The following COL8A1 variants were observed in gnomAD, a reference collection of about 807,000 sequenced individuals.
COL8A1 encodes collagen alpha-1(VIII) chain.
In COL8A1, 21 loss-of-function variants were observed where a neutral mutation model predicts 42.7. The ratio of observed to expected loss-of-function variants is 0.49; its 90% confidence interval spans 0.35 to 0.71. COL8A1 has a LOEUF of 0.71. Ranked by LOEUF, COL8A1 falls within the 30% of genes least tolerant of loss-of-function variation. COL8A1 has a pLI of 0.01. For synonymous variants in COL8A1, 367 were observed against 369.1 expected, an observed-to-expected ratio of 0.99 and a Z score of 0.06; for missense variants, 788 against 962.4, an observed-to-expected ratio of 0.82 and a Z score of 2.40.
intron 1 of COL8A1, among the ~76,000 whole-genome samples, chr3:99,716,101 A>G (rs1178259937): frequency 3.3e-5 from 5 of 152,060 alleles, no homozygotes; most frequent in South Asian, 2.1e-4. Context: ...TTTGAGTCCA[A>G]ATTAAAACTT....
chr3:99,759,419 T>C (rs1037644585), intron 2 of COL8A1, among the ~76,000 whole-genome samples: 3 of 152,162 alleles, frequency 2.0e-5, no homozygotes, highest in African/African-American at 4.8e-5. Context: ...AGAAATATCC[T>C]CGAAATGATT....
Position 99,795,480 on chromosome 3 carries a change from C to T in COL8A1, c.1579C>T (p.Pro527Ser), listed in dbSNP as rs1243037670. The T allele has an allele frequency of 6.5e-7, 1 of 1,548,508 alleles. No homozygotes were observed. Among genetic ancestry groups the T allele is most frequent in the South Asian group, 1.2e-5 (1 of 85,322 alleles). Residue 527 changes from proline (P) to serine (S), a missense_variant, in exon 4 of 4, where the codon CCT (proline) becomes TCT (serine). Physicochemically the swap from Pro to Ser is moderately conservative, Grantham distance 74. Around this residue, in one of 4 missense-constraint regions of COL8A1, gnomAD observed 154 missense variants for 182.3 expected, o/e 0.84. Transcript: ENST00000652472. ...PKGEPGLPGP[P>S]GFPGIGKPGV... ...AGGGGAGCCGGGCCTCCCAGGGCCC[C>T]CTGGGTTCCCTGGTATAGGGAAACC...
intron 1 of COL8A1, among the ~76,000 whole-genome samples, chr3:99,732,164 T>A (rs114533873): frequency 5.7e-4 from 87 of 152,294 alleles, no homozygotes; most frequent in African/African-American, 1.9e-3. Context: ...AAACGATTAA[T>A]GCATTCTTAT....
chr3:99,755,340 A>G (rs1391350462), intron 2 of COL8A1, among the ~76,000 whole-genome samples: 3 of 152,202 alleles, frequency 2.0e-5, no homozygotes, highest in Admixed American at 2.0e-4. Flanking sequence ...ATATAGTAGA[A>G]GTAAATGAAT....
At chr3:99,788,151 G>T (rs1170501188) in intron 2 of COL8A1, among the ~76,000 whole-genome samples, 1 of 152,124 alleles carries the variant, frequency 6.6e-6, no homozygotes, top group Non-Finnish European at 1.5e-5. Flanking sequence ...AGAAAAATTA[G>T]TAGGAATAAG....
chr3:99,671,441 C>G (rs1419696404), intron 1 of COL8A1, among the ~76,000 whole-genome samples: 1 of 151,992 alleles, frequency 6.6e-6, no homozygotes, highest in African/African-American at 2.4e-5. Context: ...AATCAAGCTA[C>G]TTAACATATT....
chr3:99,733,110 GC>G (rs1940571831), intron 1 of COL8A1, among the ~76,000 whole-genome samples: 1 of 143,202 alleles, frequency 7.0e-6, no homozygotes, highest in African/African-American at 2.6e-5. Context: ...CTCTCTCCCA[GC>G]TTTTTTCTTT....
intron 1 of COL8A1, among the ~76,000 whole-genome samples, chr3:99,740,386 G>C (rs1011613081): frequency 6.6e-6 from 1 of 152,198 alleles, no homozygotes; most frequent in African/African-American, 2.4e-5. Context: ...CCAAGGCTGG[G>C]TAATATATAA....
chr3:99,758,829 C>T (rs1156467149), intron 2 of COL8A1, among the ~76,000 whole-genome samples: 1 of 152,142 alleles, frequency 6.6e-6, no homozygotes, highest in East Asian at 1.9e-4. Flanking sequence ...GAGACTGGAA[C>T]CTGGTAGACA....
chr3:99,676,615 CA>C (rs1346106659), intron 1 of COL8A1, among the ~76,000 whole-genome samples: 12 of 152,170 alleles, frequency 7.9e-5, no homozygotes, highest in African/African-American at 2.4e-4. Context: ...AATTTCTGTG[CA>C]AACATTATAG....
At chr3:99,701,053 C>T (rs1395833362) in intron 1 of COL8A1, among the ~76,000 whole-genome samples, 2 of 152,160 alleles carry the variant, frequency 1.3e-5, no homozygotes, top group African/African-American at 2.4e-5. Context: ...GAGGAATATC[C>T]AGACAATAGC....
intron 1 of COL8A1, among the ~76,000 whole-genome samples, chr3:99,713,819 G>T (rs370517871): frequency 6.6e-6 from 1 of 152,100 alleles, no homozygotes; most frequent in Non-Finnish European, 1.5e-5. Context: ...AATTTTAACA[G>T]TGTTCTATTG....
intron 1 of COL8A1, among the ~76,000 whole-genome samples, chr3:99,677,275 A>G (rs1938728099): frequency 6.6e-6 from 1 of 152,090 alleles, no homozygotes; most frequent in African/African-American, 2.4e-5. Flanking sequence ...ACCAAAATCA[A>G]TACATAAATA....
chr3:99,693,027 C>T (rs947535750), intron 1 of COL8A1, among the ~76,000 whole-genome samples: 1 of 152,094 alleles, frequency 6.6e-6, no homozygotes, highest in Admixed American at 6.5e-5. Context: ...GGCGTGGTGG[C>T]GTGTGTTTGT....
intron 2 of COL8A1, among the ~76,000 whole-genome samples, chr3:99,771,995 A>G (rs1418815406): frequency 1.3e-5 from 2 of 152,214 alleles, no homozygotes; most frequent in African/African-American, 4.8e-5. Flanking sequence ...AATACCTTCC[A>G]ATGTTGGTCT....
intron 1 of COL8A1, among the ~76,000 whole-genome samples, chr3:99,654,852 C>T (rs1357255358): frequency 6.6e-6 from 1 of 151,482 alleles, no homozygotes; most frequent in African/African-American, 2.4e-5. Context: ...TATTTTAGTT[C>T]ATAAAAACAA....
chr3:99,795,852 G>A lies in COL8A1; in HGVS notation c.1951G>A (p.Gly651Ser), dbSNP rs767237025. ...NGRQNYNPQT[G>S]IFTCEVPGVY... is the part of the protein sequence containing the mutation. Reference sequence around the variant, plus strand: ...CAGACAGAACTACAACCCGCAGACAGGCATCTTCACCTGTGAGGTCCCTGG... The same window carrying A: ...CAGACAGAACTACAACCCGCAGACAAGCATCTTCACCTGTGAGGTCCCTGG... Residue 651 changes from glycine (G) to serine (S), a missense_variant, in exon 4 of 4, where the codon GGC (glycine) becomes AGC (serine). By Grantham distance (56) the Gly-to-Ser change is moderately conservative. Around this residue, in one of 4 missense-constraint regions of COL8A1, gnomAD observed 212 missense variants for 210.9 expected, o/e 1.00. Coordinates refer to ENST00000652472, the MANE Select transcript of COL8A1 (RefSeq NM_020351.4). 5.0e-6 allele frequency: 8 copies of A among 1,614,194 alleles called. No individual in the cohort carries two copies. Among genetic ancestry groups the A allele is most frequent in the Admixed American group, 1.7e-5 (1 of 60,026 alleles).
At chr3:99,668,958 G>A (rs1467077610) in intron 1 of COL8A1, among the ~76,000 whole-genome samples, 1 of 151,662 alleles carries the variant, frequency 6.6e-6, no homozygotes, top group African/African-American at 2.4e-5. Flanking sequence ...CGCAGCTTTA[G>A]TAGGTCAGAA....
At chr3:99,782,849 C>T (rs892575694) in intron 2 of COL8A1, among the ~76,000 whole-genome samples, 2 of 152,002 alleles carry the variant, frequency 1.3e-5, no homozygotes, top group Admixed American at 1.3e-4. Context: ...TACTTGGGTC[C>T]GAACTAAAAC....
Sources: gnomAD v4.1 joint callset for allele counts (sites outside exome capture counted in the v4.1 genomes callset) on GRCh38, gnomAD v4.1.1 for gene constraint, gnomAD v4.1.1 regional missense constraint, MANE v1.5 for transcripts, NCBI Gene and HGNC (gene_info 2026-07-23, HGNC 2026-07-21) for gene names.